The following ATP8B4 variants were observed in gnomAD, a reference collection of about 807,000 sequenced individuals.
ATP8B4 encodes the protein probable phospholipid-transporting ATPase IM.
In ATP8B4, 133 loss-of-function variants were observed where a neutral mutation model predicts 145.6. The observed-to-expected ratio is 0.91, with a 90% CI of 0.79 to 1.05. The LOEUF (loss-of-function observed/expected upper bound fraction) is 1.05, where lower values mean the gene tolerates loss of function less well. Ranked by LOEUF, ATP8B4 falls within the 50% of genes least tolerant of loss-of-function variation. The pLI is 0.00. For missense variants in ATP8B4, 1,458 were observed against 1,425.2 expected (o/e 1.02, Z -0.37); for synonymous variants, 507 against 492.9 (o/e 1.03, Z -0.38).
At chr15:50,027,379 G>GTGGATGGGTGGATGGATGGATGGA (rs1555460591) in intron 6 of ATP8B4, among the ~76,000 whole-genome samples, 14 of 148,912 alleles carry the variant, frequency 9.4e-5, no homozygotes, top group African/African-American at 3.5e-4. Flanking sequence ...GGATGGATGG[G>GTGGATGGGTGGATGGATGGATGGA]TGGATGGATG....
At chr15:50,088,296 G>A (rs927867812) in intron 2 of ATP8B4, among the ~76,000 whole-genome samples, 3 of 151,790 alleles carry the variant, frequency 2.0e-5, no homozygotes, top group Non-Finnish European at 2.9e-5. Context: ...GCTTGAACCC[G>A]GGAGGCGTCT....
intron 3 of ATP8B4, among the ~76,000 whole-genome samples, chr15:50,065,982 G>A (rs1481999565): frequency 7.0e-6 from 1 of 142,402 alleles, no homozygotes; most frequent in Non-Finnish European, 1.5e-5. Flanking sequence ...AGAACATTTA[G>A]GAATAGAAAT....
At chr15:50,029,405 T>C (rs1287324611) in intron 6 of ATP8B4, among the ~76,000 whole-genome samples, 1 of 152,104 alleles carries the variant, frequency 6.6e-6, no homozygotes, top group African/African-American at 2.4e-5. Flanking sequence ...GCTTCAAGCA[T>C]TCCTTGGCTT....
chr15:49,873,125 TA>T (rs2033903249), intron 25 of ATP8B4, among the ~76,000 whole-genome samples: 1 of 152,186 alleles, frequency 6.6e-6, no homozygotes, highest in East Asian at 1.9e-4. Context: ...AATTATAAAA[TA>T]ATTCAAAGTA....
intron 23 of ATP8B4, among the ~76,000 whole-genome samples, chr15:49,880,900 C>G (rs2035286062): frequency 6.6e-6 from 1 of 151,530 alleles, no homozygotes; most frequent in South Asian, 2.1e-4. Context: ...ATCATGAGGT[C>G]AGGAGATCAA....
intron 14 of ATP8B4, among the ~76,000 whole-genome samples, chr15:49,937,411 G>A (rs979078792): frequency 5.3e-5 from 8 of 152,076 alleles, no homozygotes; most frequent in African/African-American, 1.9e-4. Context: ...TTGCAGGGAG[G>A]AATTCAATAG....
At chr15:49,862,428 T>C in intron 26 of ATP8B4, 53 bp from the exon 27 acceptor site, 1 of 1,569,070 alleles carries the variant, frequency 6.4e-7, no homozygotes, top group Non-Finnish European at 8.7e-7. Context: ...GACTGAATTA[T>C]TAATTAATAG....
intron 14 of ATP8B4, among the ~76,000 whole-genome samples, chr15:49,961,040 G>C (rs2044025018): frequency 6.6e-6 from 1 of 152,146 alleles, no homozygotes; most frequent in Non-Finnish European, 1.5e-5. Flanking sequence ...GGCTGAGGCA[G>C]GAGAATGGCG....
rs1397888550 is a variant in ATP8B4 at position 50,086,438 on chromosome 15, TATA to T, written c.29-12256_29-12254del. The stretch of plus-strand genomic sequence containing the variant: ...AATAATATAGAGATCTATAATTATA[TATA>T]ATAAAATAATAGAGATCTATATTAT... On this transcript the variant is annotated intron_variant, in intron 2 of 27. Coordinates refer to ENST00000284509, the MANE Select transcript of ATP8B4 (RefSeq NM_024837.4). Among the ~76,000 whole-genome samples, 2 of 45,680 alleles carry T rather than the reference TATA, an allele frequency of 4.4e-5. 1 individual carries two copies. The highest frequency in any genetic ancestry group is 6.7e-5 in the Non-Finnish European group (2 of 29,904). The allele number at this position is 45,680 out of a possible 152,430, so 30.0% of individuals were successfully genotyped here.
intron 6 of ATP8B4, among the ~76,000 whole-genome samples, chr15:50,026,025 C>A (rs529399256): frequency 1.3e-5 from 2 of 152,314 alleles, no homozygotes; most frequent in East Asian, 1.9e-4. Context: ...ATCTGGAATA[C>A]AATTTATCTC....
At chr15:49,906,573 G>C (rs2038650478) in intron 20 of ATP8B4, among the ~76,000 whole-genome samples, 1 of 152,148 alleles carries the variant, frequency 6.6e-6, no homozygotes, top group Non-Finnish European at 1.5e-5. Flanking sequence ...GCCAAATATA[G>C]AAGGAGAAAA....
chr15:49,928,699 G>T (rs1367830627), intron 16 of ATP8B4, among the ~76,000 whole-genome samples: 1 of 151,988 alleles, frequency 6.6e-6, no homozygotes. Flanking sequence ...GCAGGGTACT[G>T]GGAATTAGGA....
At position 49,897,474 on chromosome 15, in the gene ATP8B4, G is replaced by A. The variant is rs779558895; in HGVS notation, c.2515C>T (p.Gln839Ter). ...GAATAGTCGCTGGCTAAGACTGCTT[G>A]CAATCCTTCCTGGCCGCTGATGCCA... is the stretch of plus-strand genomic sequence containing the variant. ...GVGISGQEGL[Q>*]AVLASDYSFA... The change falls in exon 23 of 28, where the codon CAA (glutamine) becomes TAA (stop). Residue 839 changes from glutamine to a stop codon, truncating the protein, a stop_gained. Transcript: ENST00000284509. LOFTEE classifies it high-confidence loss of function. 10 of 1,586,154 alleles carry A rather than the reference G, an allele frequency of 6.3e-6. No homozygotes were observed. In the South Asian group the frequency reaches 1.2e-4, roughly 18 times the overall value.
Position 50,047,371 on chromosome 15 carries a change from G to T in ATP8B4, c.181C>A (p.Leu61Ile). The T allele has an allele frequency of 1.3e-6, 2 of 1,577,116 alleles. No individual in the cohort carries two copies. The highest frequency in any genetic ancestry group is 1.3e-5 in the African/African-American group (1 of 74,170). Residue 61 changes from leucine to isoleucine, a missense_variant, in exon 4 of 28, where the codon CTT becomes ATT. Physicochemically the swap from Leu to Ile is conservative, Grantham distance 5 (BLOSUM62 2). Coordinates refer to ENST00000284509, the MANE Select transcript of ATP8B4 (RefSeq NM_024837.4). Reference sequence around the variant, plus strand: ...ATTACCTGTAAAATCAGAAGGCAAAGAAAATAGGCATTTGCCACTCTTTGG... The same window carrying T: ...ATTACCTGTAAAATCAGAAGGCAAATAAAATAGGCATTTGCCACTCTTTGG... ...QFQRVANAYF[L>I]CLLILQLIPE...
In ATP8B4 at chr15:49,859,088, C is replaced by A. The variant is rs1382420170; in HGVS notation, c.*1106G>T. 1 of 152,164 alleles carries A rather than the reference C, an allele frequency of 6.6e-6. No homozygotes were observed. Among genetic ancestry groups the A allele is most frequent in the Non-Finnish European group, 1.5e-5 (1 of 68,032 alleles). 9.4% of individuals were successfully genotyped at this position (152,164 alleles called of 1,614,324 possible). A position where few individuals can be genotyped will look rare whatever the true frequency, so the allele number is the denominator to read the frequency against. The stretch of plus-strand genomic sequence containing the variant: ...CCCGAATCACTTTATGGAAAATACA[C>A]TGATGATTCATATGTGGACTGAAAT... On this transcript the variant is annotated 3_prime_UTR_variant, in exon 28 of 28. Coordinates refer to ENST00000284509, the MANE Select transcript of ATP8B4 (RefSeq NM_024837.4).
At chr15:50,081,115 GAAA>G in intron 2 of ATP8B4, among the ~76,000 whole-genome samples, 1 of 131,322 alleles carries the variant, frequency 7.6e-6, no homozygotes, top group Non-Finnish European at 1.6e-5. Flanking sequence ...TACGTCTCAA[GAAA>G]AAAAAAAAAA....
intron 14 of ATP8B4, among the ~76,000 whole-genome samples, chr15:49,946,338 G>T (rs182116564): frequency 7.4e-4 from 112 of 152,312 alleles, no homozygotes; most frequent in Non-Finnish European, 1.4e-3. Context: ...ATTATATGTT[G>T]CCTTTGCATT....
At chr15:49,968,576 A>G (rs1470108084) in intron 13 of ATP8B4, among the ~76,000 whole-genome samples, 2 of 152,238 alleles carry the variant, frequency 1.3e-5, no homozygotes, top group African/African-American at 2.4e-5. Flanking sequence ...AGAGTTAACT[A>G]TCCTAAATAT....
At chr15:49,977,097 T>A (rs776354519) in intron 12 of ATP8B4, among the ~76,000 whole-genome samples, 5 of 152,164 alleles carry the variant, frequency 3.3e-5, no homozygotes, top group Non-Finnish European at 7.4e-5. Context: ...AAAGTAAGTG[T>A]CCTTTGCTCA....
Sources: allele counts gnomAD v4.1 joint callset (sites outside exome capture counted in the v4.1 genomes callset), GRCh38; gene constraint gnomAD v4.1.1; transcripts MANE v1.5; gene names NCBI Gene and HGNC (gene_info 2026-07-23, HGNC 2026-07-21).